EEF1AKMT2: variants seen among roughly 807,000 people sequenced by gnomAD.
EEF1AKMT2 encodes the protein eukaryotic translation elongation factor 1 alpha lysine methyltransferase 2.
In EEF1AKMT2, 32 loss-of-function variants were observed where a neutral mutation model predicts 35.8. The ratio of observed to expected loss-of-function variants is 0.89; its 90% confidence interval spans 0.67 to 1.20. The LOEUF is 1.20. Among genes scored for constraint, EEF1AKMT2 ranks in the 50% most tolerant of loss-of-function variants. The probability of loss-of-function intolerance (pLI) is 0.00; values close to 1 mark genes in which losing one functional copy is unlikely to be tolerated. For synonymous variants in EEF1AKMT2, 121 were observed against 133.7 expected, an observed-to-expected ratio of 0.91 and a Z score of 0.65; for missense variants, 330 against 347.5, an observed-to-expected ratio of 0.95 and a Z score of 0.40.
intron 4 of EEF1AKMT2, among the ~76,000 whole-genome samples, chr10:124,773,325 T>TA (rs1950456083): frequency 6.6e-6 from 1 of 152,080 alleles, no homozygotes; most frequent in African/African-American, 2.4e-5. Context: ...TGTTTTTTTT[T>TA]AAAACAGTCT....
chr10:124,790,368 C>T, intron 1 of EEF1AKMT2, 30 bp from the exon 2 acceptor site: 2 of 1,471,070 alleles, frequency 1.4e-6, no homozygotes, highest in Non-Finnish European at 1.9e-6. Flanking sequence ...CAAAGCAAGA[C>T]TCTTGAATTA....
intron 3 of EEF1AKMT2, among the ~76,000 whole-genome samples, chr10:124,776,056 T>A (rs956807819): frequency 6.6e-6 from 1 of 152,248 alleles, no homozygotes; most frequent in African/African-American, 2.4e-5. Flanking sequence ...TAGCTGGGAC[T>A]ACAGGCGCCC....
chr10:124,784,531 A>C (rs1473677621), intron 3 of EEF1AKMT2, among the ~76,000 whole-genome samples: 1 of 152,154 alleles, frequency 6.6e-6, no homozygotes, highest in East Asian at 1.9e-4. Flanking sequence ...ATTTCATTAG[A>C]AAAGTCTCAA....
At position 124,774,095 on chromosome 10, in the gene EEF1AKMT2, C is replaced by T. The variant is rs143809695; in HGVS notation, c.399+580G>A. ...AAAACCTTTTGATGTGGGCAGGGCG[C>T]GGTGGCTCACGCCTGTAATCCCAGC... On this transcript the variant is annotated intron_variant, in intron 4 of 6. Transcript: ENST00000368836. Among the ~76,000 whole-genome samples, 537 of 152,216 alleles carry T rather than the reference C, an allele frequency of 3.5e-3. 8 individuals carry two copies. The highest frequency in any genetic ancestry group is 0.012 in the African/African-American group (478 of 41,540).
intron 4 of EEF1AKMT2, among the ~76,000 whole-genome samples, chr10:124,770,225 T>G (rs973672762): frequency 2.0e-5 from 3 of 152,208 alleles, no homozygotes; most frequent in Non-Finnish European, 4.4e-5. Flanking sequence ...AAGACCAGCC[T>G]GGCCAATATG....
At chr10:124,757,201 C>CACACACACACACACACAT (rs58336696), downstream of EEF1AKMT2, among the ~76,000 whole-genome samples, 7 of 137,328 alleles carry the variant, frequency 5.1e-5, no homozygotes, top group African/African-American at 1.9e-4. Flanking sequence ...CACACACACA[C>CACACACACACACACACAT]GACATTAGCT....
At chr10:124,771,479 T>C (rs887682753) in intron 4 of EEF1AKMT2, among the ~76,000 whole-genome samples, 1 of 152,180 alleles carries the variant, frequency 6.6e-6, no homozygotes, top group Non-Finnish European at 1.5e-5. Flanking sequence ...CCTTATGAAA[T>C]GCATTTCTTA....
chr10:124,788,930 G>C (rs1225108539), intron 3 of EEF1AKMT2, 113 bp downstream of exon 3: 2 of 699,170 alleles, frequency 2.9e-6, no homozygotes, highest in East Asian at 5.5e-5. Context: ...ACTTCTCCAA[G>C]TATGACTGCT....
At chr10:124,788,990 A>AAT in intron 3 of EEF1AKMT2, 53 bp downstream of exon 3, 2 of 1,354,928 alleles carry the variant, frequency 1.5e-6, no homozygotes, top group East Asian at 2.3e-5. Flanking sequence ...AGGGCCTTTA[A>AAT]AAATTTTCCT....
chr10:124,790,478 C>T (rs1457555667), intron 1 of EEF1AKMT2, 140 bp from the exon 2 acceptor site: 1 of 653,064 alleles, frequency 1.5e-6, no homozygotes, highest in African/African-American at 1.8e-5. Context: ...ACACATAGTT[C>T]AATCTTTTAA....
rs1159329077 is a variant in EEF1AKMT2 at position 124,762,293 on chromosome 10, C to T, written c.875+7G>A. ...TAAAAAATAAATAAAGCTGGAAGGT[C>T]ACTTACTAAAATGCCAACGAGGGCC... On this transcript the variant is annotated splice_region_variant and intron_variant, in intron 6 of 6. Coordinates refer to ENST00000368836, the MANE Select transcript of EEF1AKMT2 (RefSeq NM_212554.4). 6.6e-6 allele frequency: 7 copies of T among 1,062,276 alleles called. No individual in the cohort carries two copies. In the East Asian group the frequency reaches 4.8e-4, roughly 73 times the overall value. The allele number at this position is 1,062,276 out of a possible 1,614,324, so 65.8% of individuals were successfully genotyped here. A position where few individuals can be genotyped will look rare whatever the true frequency, so the allele number is the denominator to read the frequency against.
At chr10:124,774,374 CAAAAAAAAAAAAA>C (rs57130146) in intron 4 of EEF1AKMT2, among the ~76,000 whole-genome samples, 1,152 of 21,722 alleles carry the variant, frequency 0.053, 40 homozygotes, top group African/African-American at 0.15. Flanking sequence ...GACTCAGTCT[CAAAAAAAAAAAAA>C]AAAAAAAAAA....
chr10:124,774,385 A>T (rs1950469256), intron 4 of EEF1AKMT2, among the ~76,000 whole-genome samples: 1 of 140,504 alleles, frequency 7.1e-6, no homozygotes, highest in Non-Finnish European at 1.5e-5. Flanking sequence ...AAAAAAAAAA[A>T]AAAAAAAAAA....
At chr10:124,784,450 TATAAC>T (rs764363829) in intron 3 of EEF1AKMT2, among the ~76,000 whole-genome samples, 2 of 152,056 alleles carry the variant, frequency 1.3e-5, no homozygotes, top group Non-Finnish European at 2.9e-5. Flanking sequence ...TTTTTTAAAA[TATAAC>T]ATATCAAAAT....
chr10:124,786,233 G>A (rs551267907), intron 3 of EEF1AKMT2, among the ~76,000 whole-genome samples: 13 of 152,262 alleles, frequency 8.5e-5, no homozygotes, highest in East Asian at 7.7e-4. Context: ...AGGGCCGGGC[G>A]TGGTGGCTCA....
intron 3 of EEF1AKMT2, among the ~76,000 whole-genome samples, chr10:124,787,769 G>C (rs1416848581): frequency 6.6e-6 from 1 of 150,972 alleles, no homozygotes; most frequent in African/African-American, 2.4e-5. Flanking sequence ...AGTAATAATT[G>C]GTAGAGAGTT....
intron 3 of EEF1AKMT2, among the ~76,000 whole-genome samples, chr10:124,777,689 GT>G (rs1331540291): frequency 6.6e-6 from 1 of 151,680 alleles, no homozygotes; most frequent in African/African-American, 2.4e-5. Flanking sequence ...GTTAATTTTT[GT>G]TTTTTTGTTT....
In EEF1AKMT2 at chr10:124,758,066, T is replaced by A. The variant is rs1226495102; in HGVS notation, c.*2437A>T. Reference sequence around the variant, plus strand: ...GAAGTGGCCTGTTATGCAGCAATAATCATAGTGAAAAGCAGCAATTCCGTG... The same window carrying A: ...GAAGTGGCCTGTTATGCAGCAATAAACATAGTGAAAAGCAGCAATTCCGTG... On this transcript the variant is annotated 3_prime_UTR_variant, in exon 7 of 7. Transcript: ENST00000368836. 6.6e-6 allele frequency: 1 copy of A among 152,190 alleles called. No individual in the cohort carries two copies. Among genetic ancestry groups the A allele is most frequent in the African/African-American group, 2.4e-5 (1 of 41,460 alleles). The allele number at this position is 152,190 out of a possible 1,614,324, so 9.4% of individuals were successfully genotyped here. A position where few individuals can be genotyped will look rare whatever the true frequency, so the allele number is the denominator to read the frequency against.
chr10:124,763,308 G>T (rs1950348379), intron 5 of EEF1AKMT2, among the ~76,000 whole-genome samples: 1 of 152,042 alleles, frequency 6.6e-6, no homozygotes, highest in Non-Finnish European at 1.5e-5. Context: ...GTACAATCAG[G>T]GGTATCATGG....
Sources: allele counts gnomAD v4.1 joint callset (sites outside exome capture counted in the v4.1 genomes callset), GRCh38; gene constraint gnomAD v4.1.1; transcripts MANE v1.5; gene names NCBI Gene and HGNC (gene_info 2026-07-23, HGNC 2026-07-21).